The following SEMA6D variants were observed in gnomAD, a reference collection of about 807,000 sequenced individuals.
The protein encoded by SEMA6D is semaphorin 6D, also known as semaphorin-6D.
A neutral mutation model predicts 106.6 loss-of-function variants in SEMA6D; 35 were observed. The observed-to-expected ratio is 0.33, with a 90% CI of 0.25 to 0.44. The LOEUF (loss-of-function observed/expected upper bound fraction) is 0.44, where lower values mean the gene tolerates loss of function less well. Among genes scored for constraint, SEMA6D ranks in the 20% least tolerant of loss-of-function variants. The pLI is 1.00. For missense variants in SEMA6D, 1,185 were observed against 1,345.9 expected (o/e 0.88, Z 1.87); for synonymous variants, 499 against 487.7 (o/e 1.02, Z -0.31).
chr15:47,716,477 A>G (rs1247784018), upstream of SEMA6D, among the ~76,000 whole-genome samples: 3 of 152,128 alleles, frequency 2.0e-5, no homozygotes, highest in Non-Finnish European at 4.4e-5. Context: ...ACGGTAATTA[A>G]CCATACTCAA....
chr15:47,503,241 A>G (rs137858027), intron 3 of SEMA6D, among the ~76,000 whole-genome samples: 1,728 of 152,324 alleles, frequency 0.011, 32 homozygotes, highest in African/African-American at 0.04. Flanking sequence ...AAGAAAAAAA[A>G]TAGCTTTCTG....
At chr15:47,369,499 G>C (rs182324028) in intron 1 of SEMA6D, among the ~76,000 whole-genome samples, 1 of 152,284 alleles carries the variant, frequency 6.6e-6, no homozygotes, top group African/African-American at 2.4e-5. Flanking sequence ...ATCCCAATCT[G>C]TTATCAAGAC....
At chr15:47,589,947 T>G (rs757724188) in intron 3 of SEMA6D, among the ~76,000 whole-genome samples, 1 of 152,220 alleles carries the variant, frequency 6.6e-6, no homozygotes, top group Non-Finnish European at 1.5e-5. Context: ...TTGATTGGGT[T>G]CAGTTAGATG....
chr15:47,477,562 G>A (rs2043036411), intron 3 of SEMA6D, among the ~76,000 whole-genome samples: 3 of 152,152 alleles, frequency 2.0e-5, no homozygotes, highest in South Asian at 2.1e-4. Flanking sequence ...GCATATTGCT[G>A]TCATCATAAA....
chr15:47,541,975 C>T (rs2045368565), intron 3 of SEMA6D, among the ~76,000 whole-genome samples: 1 of 152,072 alleles, frequency 6.6e-6, no homozygotes, highest in Non-Finnish European at 1.5e-5. Context: ...CCCTTTGAAA[C>T]ATTTTCACAT....
At chr15:47,285,307 A>G (rs2035310676) in intron 1 of SEMA6D, among the ~76,000 whole-genome samples, 1 of 151,956 alleles carries the variant, frequency 6.6e-6, no homozygotes, top group Non-Finnish European at 1.5e-5. Flanking sequence ...TTCAGAGTAG[A>G]GGAAATATAT....
intron 1 of SEMA6D, among the ~76,000 whole-genome samples, chr15:47,232,341 A>G (rs188575845): frequency 5.3e-5 from 8 of 152,138 alleles, no homozygotes; most frequent in Non-Finnish European, 7.4e-5. Flanking sequence ...GTGAATGGTT[A>G]TCTTGGTTTT....
At chr15:47,230,287 T>C (rs2032102582) in intron 1 of SEMA6D, among the ~76,000 whole-genome samples, 1 of 152,082 alleles carries the variant, frequency 6.6e-6, no homozygotes, top group African/African-American at 2.4e-5. Flanking sequence ...ATTTTTCTTA[T>C]ACAGAATATA....
In SEMA6D at chr15:47,436,981, A is replaced by AGAAGG. The variant is rs1351991374; in HGVS notation, c.-159+24516_-159+24520dup. Among the ~76,000 whole-genome samples, 8 of 131,164 alleles carry AGAAGG rather than the reference A, an allele frequency of 6.1e-5. No homozygotes were observed. The East Asian group carries it at 1.5e-3, about 25-fold the overall frequency. 86.0% of individuals were successfully genotyped at this position (131,164 alleles called of 152,430 possible). On this transcript the variant is annotated intron_variant, in intron 2 of 19. Transcript: ENST00000558014. ...AAAGGAAGGAGGCAGGGAAAGGAAG[A>AGAAGG]GAAGGGAAGGGGAGGGGAGGGGAGG... is the stretch of plus-strand genomic sequence containing the variant.
intron 1 of SEMA6D, among the ~76,000 whole-genome samples, chr15:47,336,104 T>A (rs1156935050): frequency 6.6e-6 from 1 of 152,216 alleles, no homozygotes; most frequent in Non-Finnish European, 1.5e-5. Context: ...TAAAGCTTTT[T>A]GCACAAGAAA....
chr15:47,316,102 C>CTTTTTTTTTTT (rs67090828), intron 1 of SEMA6D, among the ~76,000 whole-genome samples: 46,312 of 81,336 alleles, frequency 0.57, 16,590 homozygotes, highest in Non-Finnish European at 0.67. Context: ...CATTTATTTC[C>CTTTTTTTTTTT]TTTTTTTTGA....
At chr15:47,305,392 C>A (rs1489476397) in intron 1 of SEMA6D, among the ~76,000 whole-genome samples, 1 of 152,194 alleles carries the variant, frequency 6.6e-6, no homozygotes, top group Non-Finnish European at 1.5e-5. Flanking sequence ...AGCTCCATCT[C>A]CTGAGCTGAA....
At chr15:47,653,875 C>T (rs2077740969) in intron 4 of SEMA6D, among the ~76,000 whole-genome samples, 1 of 152,214 alleles carries the variant, frequency 6.6e-6, no homozygotes, top group Non-Finnish European at 1.5e-5. Context: ...TGCCGTCATT[C>T]ATTTCAGAAT....
chr15:47,403,329 C>T (rs1036681856), intron 1 of SEMA6D, among the ~76,000 whole-genome samples: 3 of 152,172 alleles, frequency 2.0e-5, no homozygotes, highest in Non-Finnish European at 2.9e-5. Flanking sequence ...CCAGCAATGA[C>T]TGCCATGCAG....
chr15:47,659,178 A>G (rs941487133), intron 4 of SEMA6D, among the ~76,000 whole-genome samples: 2 of 152,178 alleles, frequency 1.3e-5, no homozygotes, highest in Middle Eastern at 3.4e-3. Context: ...ATATACAAAT[A>G]ATGTGATATA....
At chr15:47,241,245 A>G (rs569008412) in intron 1 of SEMA6D, 8 of 152,284 alleles carry the variant, frequency 5.3e-5, no homozygotes, top group African/African-American at 1.9e-4. Flanking sequence ...TCTAGGAGAC[A>G]CTGTAAGAAC....
intron 4 of SEMA6D, among the ~76,000 whole-genome samples, chr15:47,617,932 A>G (rs771376370): frequency 5.5e-4 from 84 of 152,204 alleles, no homozygotes; most frequent in Non-Finnish European, 1.1e-3. Flanking sequence ...TCCATTTGGT[A>G]TGGTCCTGAT....
intron 2 of SEMA6D, among the ~76,000 whole-genome samples, chr15:47,459,478 C>T (rs192251506): frequency 8.9e-4 from 135 of 152,040 alleles, no homozygotes; most frequent in African/African-American, 3.2e-3. Context: ...AATGCAGGAT[C>T]ATCTGAGAGA....
intron 3 of SEMA6D, among the ~76,000 whole-genome samples, chr15:47,508,853 C>T (rs1159364538): frequency 6.6e-6 from 1 of 152,094 alleles, no homozygotes; most frequent in Non-Finnish European, 1.5e-5. Context: ...GATTTCTCAT[C>T]TATAAAACAG....
Sources: gnomAD v4.1 joint callset for allele counts (sites outside exome capture counted in the v4.1 genomes callset) on GRCh38, gnomAD v4.1.1 for gene constraint, MANE v1.5 for transcripts, NCBI Gene and HGNC (gene_info 2026-07-23, HGNC 2026-07-21) for gene names.